KIAA1217: variants seen among roughly 807,000 people sequenced by gnomAD.
KIAA1217 encodes the protein KIAA1217, also known as sickle tail protein homolog.
In KIAA1217, 88 loss-of-function variants were observed where a neutral mutation model predicts 163.9. That is an observed-to-expected ratio of 0.54 (90% CI 0.45 to 0.64). The LOEUF (loss-of-function observed/expected upper bound fraction) is 0.64. Among genes scored for constraint, KIAA1217 ranks in the 30% least tolerant of loss-of-function variants. The pLI, the probability that KIAA1217 is intolerant of heterozygous loss-of-function variation, is 0.00. For missense variants in KIAA1217, 2,372 were observed against 2,475.0 expected, an observed-to-expected ratio of 0.96 and a Z score of 0.88; for synonymous variants, 903 against 923.1, an observed-to-expected ratio of 0.98 and a Z score of 0.39.
intron 17 of KIAA1217, among the ~76,000 whole-genome samples, chr10:24,538,948 G>T (rs1198806146): frequency 1.3e-5 from 2 of 151,826 alleles, no homozygotes; most frequent in Non-Finnish European, 2.9e-5. Context: ...TGGCCAGGTT[G>T]GTCTTGAACT....
rs759658344 is a variant in KIAA1217 at position 24,280,811 on chromosome 10, A to AAAAG, written c.354+60905_354+60906insGAAA. On this transcript the variant is annotated intron_variant, in intron 2 of 20. Transcript: ENST00000376454. ...GGCAACAGAGCGAGACTCCGTCTCAAAAAAAAAAAAAAAAAGAATAAACCT... is the reference window on the plus strand; with the variant it reads ...GGCAACAGAGCGAGACTCCGTCTCAAAAAGAAAAAAAAAAAAAAAGAATAAACCT... Among the ~76,000 whole-genome samples the AAAAG allele has an allele frequency of 1.3e-4, 19 of 148,864 alleles. 1 individual carries two copies. The highest frequency in any genetic ancestry group is 1.0e-3 in the Admixed American group (15 of 14,906).
chr10:24,130,283 G>A (rs2063606565), intron 2 of KIAA1217, among the ~76,000 whole-genome samples: 1 of 152,144 alleles, frequency 6.6e-6, no homozygotes, highest in Non-Finnish European at 1.5e-5. Context: ...TATTTGAAGT[G>A]CTACTAGCTT....
intron 2 of KIAA1217, among the ~76,000 whole-genome samples, chr10:24,071,231 A>G (rs2061174841): frequency 6.6e-6 from 1 of 152,236 alleles, no homozygotes; most frequent in South Asian, 2.1e-4. Context: ...CTCTATCAGT[A>G]CTTTAGAAGT....
chr10:24,031,685 C>A (rs568077982), intron 2 of KIAA1217, among the ~76,000 whole-genome samples: 1 of 151,848 alleles, frequency 6.6e-6, no homozygotes, highest in South Asian at 2.1e-4. Context: ...TTCTTAATTT[C>A]ACTGTTTGTG....
chr10:24,057,859 C>T (rs982123172), intron 2 of KIAA1217, among the ~76,000 whole-genome samples: 16 of 152,172 alleles, frequency 1.1e-4, no homozygotes, highest in African/African-American at 3.4e-4. Context: ...GTTGCCTTTT[C>T]ACTCCATTAA....
chr10:24,092,686 C>A (rs531574072), intron 2 of KIAA1217, among the ~76,000 whole-genome samples: 5 of 150,350 alleles, frequency 3.3e-5, no homozygotes, highest in Non-Finnish European at 5.9e-5. Context: ...TCACTGATAA[C>A]GTTATGAAAA....
At chr10:24,172,134 AG>A (rs2065661535) in intron 2 of KIAA1217, among the ~76,000 whole-genome samples, 1 of 152,246 alleles carries the variant, frequency 6.6e-6, no homozygotes, top group Non-Finnish European at 1.5e-5. Context: ...AAGGTAGTAC[AG>A]AAAAGAAGAT....
At chr10:24,310,969 A>G (rs933136492) in intron 2 of KIAA1217, among the ~76,000 whole-genome samples, 35 of 152,188 alleles carry the variant, frequency 2.3e-4, no homozygotes, top group African/African-American at 8.0e-4. Context: ...CTGCACTCCA[A>G]CCTGGGCAAG....
intron 1 of KIAA1217, among the ~76,000 whole-genome samples, chr10:23,846,999 G>A (rs536562840): frequency 6.6e-6 from 1 of 152,176 alleles, no homozygotes; most frequent in South Asian, 2.1e-4. Flanking sequence ...TAATCATGTG[G>A]TTTTTGTCAT....
intron 1 of KIAA1217, 72 bp from the exon 2 acceptor site, chr10:24,219,554 C>T (rs960907028): frequency 4.6e-6 from 6 of 1,301,186 alleles, no homozygotes; most frequent in African/African-American, 3.0e-5. Flanking sequence ...GCCGCAAACC[C>T]TCTTGGTGTT....
chr10:23,893,106 G>A (rs1013415285), intron 1 of KIAA1217, among the ~76,000 whole-genome samples: 7 of 151,998 alleles, frequency 4.6e-5, no homozygotes, highest in African/African-American at 1.7e-4. Flanking sequence ...ATTCGGCTGT[G>A]AATCCATCTG....
intron 2 of KIAA1217, among the ~76,000 whole-genome samples, chr10:24,299,667 TG>T (rs1372845114): frequency 5.9e-5 from 9 of 152,224 alleles, no homozygotes; most frequent in Non-Finnish European, 1.3e-4. Flanking sequence ...CCCAAAGTAC[TG>T]GGATTACAGG....
At chr10:24,260,060 T>C (rs866616030) in intron 2 of KIAA1217, among the ~76,000 whole-genome samples, 30 of 152,134 alleles carry the variant, frequency 2.0e-4, no homozygotes, top group African/African-American at 7.0e-4. Flanking sequence ...CTTATGCTTG[T>C]TTTTCTCTGT....
At chr10:24,411,946 TCA>T (rs1030868030) in intron 3 of KIAA1217, among the ~76,000 whole-genome samples, 20 of 151,674 alleles carry the variant, frequency 1.3e-4, no homozygotes, top group African/African-American at 4.8e-4. Context: ...ACCACCGAGG[TCA>T]CAGAGGTAAC....
chr10:24,269,025 C>G (rs1212050295), intron 2 of KIAA1217, among the ~76,000 whole-genome samples: 2 of 128,320 alleles, frequency 1.6e-5, no homozygotes, highest in Non-Finnish European at 3.1e-5. Flanking sequence ...CACATGGACA[C>G]AGGAAGGGGA....
At chr10:23,799,320 T>A (rs1219937319) in intron 1 of KIAA1217, among the ~76,000 whole-genome samples, 1 of 152,200 alleles carries the variant, frequency 6.6e-6, no homozygotes, top group Non-Finnish European at 1.5e-5. Flanking sequence ...AACAGACTTG[T>A]AAACCAGTAA....
chr10:24,113,461 G>A (rs1301298423), intron 2 of KIAA1217, among the ~76,000 whole-genome samples: 1 of 152,168 alleles, frequency 6.6e-6, no homozygotes, highest in Non-Finnish European at 1.5e-5. Flanking sequence ...TTTTAAGGAA[G>A]CCAGTTTGTT....
Position 24,544,394 on chromosome 10 carries a change from A to G in KIAA1217, c.5124A>G (p.Gln1708=), listed in dbSNP as rs1037961644. 12 of 1,613,982 alleles carry G rather than the reference A, an allele frequency of 7.4e-6. No homozygotes were observed. The African/African-American group carries it at 1.3e-4, about 18-fold the overall frequency. The part of the protein sequence containing the change: ...DSVASSSHIA[Q]EASPRPLLVP... ...TTGCAAGTTCATCCCACATAGCCCA[A>G]GAGGCCTCTCCCCGACCCTTGCTAG... The change falls in exon 19 of 21, where the codon CAA becomes CAG. Residue 1708 remains glutamine (Q), a synonymous_variant. Coordinates refer to ENST00000376454, the MANE Select transcript of KIAA1217 (RefSeq NM_019590.5).
intron 2 of KIAA1217, among the ~76,000 whole-genome samples, chr10:24,078,386 A>G (rs1212787568): frequency 6.6e-6 from 1 of 152,142 alleles, no homozygotes; most frequent in Non-Finnish European, 1.5e-5. Context: ...AGAGGGGAGG[A>G]CATGTTTCCA....
Sources: allele counts gnomAD v4.1 joint callset (sites outside exome capture counted in the v4.1 genomes callset), GRCh38; gene constraint gnomAD v4.1.1; transcripts MANE v1.5; gene names NCBI Gene and HGNC (gene_info 2026-07-23, HGNC 2026-07-21).